Variants in FADS1 observed in about 807,000 individuals in gnomAD.
FADS1 encodes the protein fatty acid desaturase 1, also known as acyl-CoA (8-3)-desaturase.
FADS1 carries 17 observed loss-of-function variants against 61.6 expected under a neutral mutation model. That is an observed-to-expected ratio of 0.28 (90% CI 0.19 to 0.41). The LOEUF (loss-of-function observed/expected upper bound fraction) is 0.41. Ranked by LOEUF, FADS1 falls within the 10% of genes least tolerant of loss-of-function variation. The probability of loss-of-function intolerance (pLI) is 1.00; values close to 1 mark genes in which losing one functional copy is unlikely to be tolerated. For missense variants in FADS1, 387 were observed against 650.9 expected (o/e 0.59, Z 4.41); for synonymous variants, 238 against 258.7 (o/e 0.92, Z 0.77).
At position 61,816,973 on chromosome 11, in the gene FADS1, T is replaced by A; in HGVS notation, c.-44A>T. ...CGGGGAGCGAGATCCCGTCCCCCGG[T>A]GGGTCTTGGGCAACTCACAGCTGGG... On this transcript the variant is annotated 5_prime_UTR_variant, in exon 1 of 12. Coordinates refer to ENST00000350997, the MANE Select transcript of FADS1 (RefSeq NM_013402.7). This position sits in a 1 kb window ranked among gnomAD's most constrained non-coding sequence, Gnocchi z 7.0. 7.3e-7 allele frequency: 1 copy of A among 1,367,298 alleles called. No homozygotes were observed. Among genetic ancestry groups the A allele is most frequent in the Non-Finnish European group, 9.4e-7 (1 of 1,068,170 alleles). The allele number at this position is 1,367,298 out of a possible 1,614,324, so 84.7% of individuals were successfully genotyped here.
chr11:61,801,751 T>A lies in FADS1; in HGVS notation c.*660A>T, dbSNP rs2066856857. 1 of 152,670 alleles carries A rather than the reference T, an allele frequency of 6.6e-6. No homozygotes were observed. Among genetic ancestry groups the A allele is most frequent in the South Asian group, 2.1e-4 (1 of 4,844 alleles). 9.5% of individuals were successfully genotyped at this position (152,670 alleles called of 1,614,324 possible). A position where few individuals can be genotyped will look rare whatever the true frequency, so the allele number is the denominator to read the frequency against. The stretch of plus-strand genomic sequence containing the variant: ...TGCTGGATCTCAGAATTCTAAGCAT[T>A]AATGTTTCCTTGCTGTTATAATTCT... On this transcript the variant is annotated 3_prime_UTR_variant, in exon 12 of 12. Transcript: ENST00000350997.
chr11:61,812,510 C>T lies in FADS1; in HGVS notation c.645G>A (p.Leu215=). 1.9e-6 allele frequency: 3 copies of T among 1,614,004 alleles called. No homozygotes were observed. The highest frequency in any genetic ancestry group is 2.2e-5 in the South Asian group (2 of 91,084). ...LTLWVFGTSF[L]PFLLCAVLLS... is the part of the protein sequence containing the mutation. The stretch of plus-strand genomic sequence containing the variant: ...GCAGCACCGCACAGAGGAGGAAGGG[C>T]AAAAAGGACGTCCCAAAGACCCAAA... The change falls in exon 3 of 12, where the codon TTG becomes TTA. Residue 215 remains leucine (L), a synonymous_variant. Transcript: ENST00000350997.
Position 61,816,286 on chromosome 11 carries a change from A to G in FADS1, c.375+269T>C, listed in dbSNP as rs765294367. Reference sequence around the variant, plus strand: ...CCTGAGGCTCGGGGCTGCAGATGGAATGCACGGCAGGGAGGCGGGACCCTT... The same window carrying G: ...CCTGAGGCTCGGGGCTGCAGATGGAGTGCACGGCAGGGAGGCGGGACCCTT... On this transcript the variant is annotated intron_variant, in intron 1 of 11. Transcript: ENST00000350997. The surrounding 1 kb of genome is among the most constrained non-coding windows in gnomAD (Gnocchi z 7.0). 6.3e-7 allele frequency: 1 copy of G among 1,598,306 alleles called. No homozygotes were observed. Among genetic ancestry groups the G allele is most frequent in the East Asian group, 2.2e-5 (1 of 44,858 alleles).
chr11:61,803,815 T>A lies in FADS1; in HGVS notation c.1054-48A>T, dbSNP rs1315839747. On this transcript the variant is annotated intron_variant, in intron 7 of 11. Transcript: ENST00000350997. The surrounding 1 kb of genome is among the most constrained non-coding windows in gnomAD (Gnocchi z 4.3). ...CATAACAGTCACGAACAACTCTTCC[T>A]CTTCCTCTCAGCAGCTCTTTGTTTG... The A allele has an allele frequency of 1.5e-6, 2 of 1,375,432 alleles. No homozygotes were observed. Among genetic ancestry groups the A allele is most frequent in the Non-Finnish European group, 1.0e-6 (1 of 963,370 alleles). The allele number at this position is 1,375,432 out of a possible 1,614,324, so 85.2% of individuals were successfully genotyped here.
At chr11:61,806,495 G>A in intron 6 of FADS1, 169 bp downstream of exon 6, 1 of 639,870 alleles carries the variant, frequency 1.6e-6, no homozygotes, top group Non-Finnish European at 2.8e-6. Flanking sequence ...ACTTCGCTCA[G>A]CTGAGATGGC....
At chr11:61,806,765 G>C in intron 5 of FADS1, 41 bp from the exon 6 acceptor site, 1 of 1,576,284 alleles carries the variant, frequency 6.3e-7, no homozygotes, top group Admixed American at 1.7e-5. Context: ...GGAGACCAGT[G>C]ATTCCTCCCT....
chr11:61,806,669 A>G lies in FADS1; in HGVS notation c.971T>C (p.Phe324Ser), dbSNP rs755436204. The G allele has an allele frequency of 3.7e-6, 6 of 1,613,896 alleles. No individual in the cohort carries two copies. Residue 324 changes from phenylalanine (F) to serine (S), a missense_variant, in exon 6 of 12, where the codon TTC becomes TCC. By Grantham distance (155) the Phe-to-Ser change is radical. Transcript: ENST00000350997. ...TGTTGGATGGGGACACTCACTTAGG[A>G]AGAAGTATTTGTGCTGGTGGTTGTA... is the stretch of plus-strand genomic sequence containing the variant. ...MPYNHQHKYF[F>S]LIGPPALLPL... is the part of the protein sequence containing the mutation.
Position 61,816,729 on chromosome 11 carries a change from G to A in FADS1, c.201C>T (p.Thr67=). The change falls in exon 1 of 12, where the codon ACC becomes ACT. Residue 67 remains threonine (T), a synonymous_variant. Transcript: ENST00000350997. This position sits in a 1 kb window ranked among gnomAD's most constrained non-coding sequence, Gnocchi z 7.0. ...AGCGCGGGGTAGGTCCCTGAGCCGC[G>A]GTCTCGGCGGCCACCGGGTCGGGGG... ...AMAPDPVAAE[T]AAQGPTPRYF... 1.3e-6 allele frequency: 2 copies of A among 1,559,924 alleles called. No homozygotes were observed. The highest frequency in any genetic ancestry group is 1.7e-6 in the Non-Finnish European group (2 of 1,153,124).
At position 61,803,633 on chromosome 11, in the gene FADS1, C is replaced by T. The variant is rs772294141; in HGVS notation, c.1151+37G>A. 10 of 1,546,042 alleles carry T rather than the reference C, an allele frequency of 6.5e-6. No individual in the cohort carries two copies. The South Asian group carries it at 1.1e-4, about 17-fold the overall frequency. On this transcript the variant is annotated intron_variant, in intron 8 of 11. Transcript: ENST00000350997. The surrounding 1 kb of genome is among the most constrained non-coding windows in gnomAD (Gnocchi z 4.3). ...CCAGACTGGTCACTCCCCAACATTT[C>T]CTTCACCAGTCCCTATCCGCCCCCA...
chr11:61,813,356 G>A lies in FADS1; in HGVS notation c.376-3C>T, dbSNP rs1565321088. The A allele has an allele frequency of 6.4e-7, 1 of 1,573,962 alleles. No homozygotes were observed. ...ATGTGGAAGGCCACAAAGGGATCCT[G>A]CAAGTGCCGGGAGAAGATGAAAGGT... On this transcript the variant is annotated splice_polypyrimidine_tract_variant and splice_region_variant and intron_variant, in intron 1 of 11. Transcript: ENST00000350997.
chr11:61,812,003 A>G (rs2066934226), intron 3 of FADS1: 2 of 335,098 alleles, frequency 6.0e-6, no homozygotes, highest in South Asian at 4.6e-5. Context: ...ATGAGTCACC[A>G]CACCTGGCCT....
chr11:61,813,798 T>C (rs1265300530), intron 1 of FADS1, among the ~76,000 whole-genome samples: 1 of 151,856 alleles, frequency 6.6e-6, no homozygotes, highest in Non-Finnish European at 1.5e-5. Context: ...ACCCCGTCTC[T>C]ACTAAAAATA....
At position 61,816,888 on chromosome 11, in the gene FADS1, A is replaced by G; in HGVS notation, c.42T>C (p.Gly14=). 4.1e-6 allele frequency: 6 copies of G among 1,459,032 alleles called. No individual in the cohort carries two copies. Among genetic ancestry groups the G allele is most frequent in the South Asian group, 1.3e-5 (1 of 74,578 alleles). 90.4% of individuals were successfully genotyped at this position (1,459,032 alleles called of 1,614,324 possible). Residue 14 remains glycine, a synonymous_variant, in exon 1 of 12, where the codon GGT becomes GGC. Coordinates refer to ENST00000350997, the MANE Select transcript of FADS1 (RefSeq NM_013402.7). The surrounding 1 kb of genome is among the most constrained non-coding windows in gnomAD (Gnocchi z 7.0). The part of the protein sequence containing the change: ...RAARPAGLPC[G]AENPARRRLA... ...GCCGCCTGCGCGCCGGGTTTTCAGC[A>G]CCGCAGGGCAGACCGGCGGGCCTCG...
rs1244754734 is a variant in FADS1 at position 61,800,196 on chromosome 11, GTTT to G, written c.*2212_*2214del. ...AACTCCTCAATTCTAAGTTTTTGTT[GTTT>G]TTTTTTTTTTTGAGACAGGGTCTTG... On this transcript the variant is annotated 3_prime_UTR_variant, in exon 12 of 12. Coordinates refer to ENST00000350997, the MANE Select transcript of FADS1 (RefSeq NM_013402.7). 4 of 143,648 alleles carry G rather than the reference GTTT, an allele frequency of 2.8e-5. No homozygotes were observed. Among genetic ancestry groups the G allele is most frequent in the Non-Finnish European group, 4.6e-5 (3 of 65,094 alleles). 8.9% of individuals were successfully genotyped at this position (143,648 alleles called of 1,614,324 possible).
chr11:61,807,783 AG>A (rs1390693884), intron 5 of FADS1, among the ~76,000 whole-genome samples: 1 of 152,218 alleles, frequency 6.6e-6, no homozygotes, highest in Non-Finnish European at 1.5e-5. Flanking sequence ...GACAACCACA[AG>A]GGCACAAGAG....
Position 61,799,720 on chromosome 11 carries a change from A to T in FADS1, c.*2691T>A, listed in dbSNP as rs1435231083. On this transcript the variant is annotated 3_prime_UTR_variant, in exon 12 of 12. Coordinates refer to ENST00000350997, the MANE Select transcript of FADS1 (RefSeq NM_013402.7). ...AGAATACTGATATTGGGCCTGATTT[A>T]AAAAATGCCTCTGGCCAGGTTGTAA... 1 of 152,406 alleles carries T rather than the reference A, an allele frequency of 6.6e-6. No individual in the cohort carries two copies. The highest frequency in any genetic ancestry group is 1.5e-5 in the Non-Finnish European group (1 of 68,050). The allele number at this position is 152,406 out of a possible 1,614,324, so 9.4% of individuals were successfully genotyped here.
intron 6 of FADS1, chr11:61,805,306 C>T (rs966987169): frequency 1.3e-5 from 2 of 155,024 alleles, no homozygotes; most frequent in Admixed American, 6.5e-5. Context: ...AAGCTCACTT[C>T]CTTAAACTAG....
At chr11:61,813,393 C>A (rs1363433052) in intron 1 of FADS1, 40 bp from the exon 2 acceptor site, 2 of 1,208,148 alleles carry the variant, frequency 1.7e-6, no homozygotes, top group Admixed American at 1.8e-5. Flanking sequence ...AGGGAGCCAG[C>A]CCCCTGGACT....
chr11:61,816,504 ACTCAGC>A lies in FADS1; in HGVS notation c.375+45_375+50del. On this transcript the variant is annotated intron_variant, in intron 1 of 11. Transcript: ENST00000350997. The surrounding 1 kb of genome is among the most constrained non-coding windows in gnomAD (Gnocchi z 7.0). ...GAGTGCGTAACTCTGTCTCCCCTGC[ACTCAGC>A]CTCCGGTCCCGCCCTCTCCTGTGCC... 1 of 1,599,248 alleles carries A rather than the reference ACTCAGC, an allele frequency of 6.3e-7. No homozygotes were observed. Among genetic ancestry groups the A allele is most frequent in the South Asian group, 1.1e-5 (1 of 89,994 alleles).
Sources: allele counts gnomAD v4.1 joint callset (sites outside exome capture counted in the v4.1 genomes callset), GRCh38; gene constraint gnomAD v4.1.1; non-coding constraint Gnocchi (gnomAD v3.1); transcripts MANE v1.5; gene names NCBI Gene and HGNC (gene_info 2026-07-23, HGNC 2026-07-21).